The following WDR26 variants were observed in gnomAD, a reference collection of about 807,000 sequenced individuals.
WDR26 encodes WD repeat domain 26.
In WDR26, 5 loss-of-function variants were observed where a neutral mutation model predicts 84.1. The ratio of observed to expected loss-of-function variants is 0.06; its 90% CI spans 0.03 to 0.13. The LOEUF (loss-of-function observed/expected upper bound fraction) is 0.13, where lower values mean the gene tolerates loss of function less well. WDR26 is among the 10% of genes least tolerant of loss of function. The pLI, the probability that WDR26 is intolerant of heterozygous loss-of-function variation, is 1.00. For missense variants in WDR26, 642 were observed against 974.9 expected (o/e 0.66, Z 4.55); for synonymous variants, 415 against 389.6 (o/e 1.07, Z -0.77).
intron 7 of WDR26, among the ~76,000 whole-genome samples, chr1:224,409,925 C>G (rs1226208647): frequency 1.3e-5 from 2 of 151,418 alleles, no homozygotes; most frequent in Non-Finnish European, 2.9e-5. Context: ...TTCTATTTTT[C>G]TCAACACGGG....
chr1:224,418,163 G>C, intron 6 of WDR26, 97 bp downstream of exon 6: 1 of 968,262 alleles, frequency 1.0e-6, no homozygotes, highest in Non-Finnish European at 1.5e-6. Flanking sequence ...AATCAGACAT[G>C]AACTGTTATA....
chr1:224,426,570 T>A (rs1159733462), intron 3 of WDR26, among the ~76,000 whole-genome samples: 2 of 151,522 alleles, frequency 1.3e-5, no homozygotes, highest in African/African-American at 4.9e-5. Flanking sequence ...CTCTGAAAAG[T>A]ACATTACTGT....
chr1:224,398,303 T>C (rs778464201), intron 11 of WDR26, 77 bp from the exon 12 acceptor site: 4 of 1,525,560 alleles, frequency 2.6e-6, no homozygotes, highest in Non-Finnish European at 3.5e-6. Context: ...TAAATATCCC[T>C]TTGCCTGATG....
intron 7 of WDR26, among the ~76,000 whole-genome samples, chr1:224,410,660 TG>T (rs1673710909): frequency 6.6e-6 from 1 of 151,400 alleles, no homozygotes; most frequent in Admixed American, 6.6e-5. Flanking sequence ...AACTTGTGGT[TG>T]GGACAGAATG....
At chr1:224,394,204 G>A (rs1673198122) in intron 12 of WDR26, among the ~76,000 whole-genome samples, 191 bp from the exon 13 acceptor site, 2 of 152,042 alleles carry the variant, frequency 1.3e-5, no homozygotes, top group Non-Finnish European at 2.9e-5. Flanking sequence ...CCTGTTAAAG[G>A]TGATCAGCTC....
In WDR26 at chr1:224,401,702, G is replaced by GAAAAAAGAAAAA. The variant is rs55816628; in HGVS notation, c.1600-645_1600-634dup. Among the ~76,000 whole-genome samples the GAAAAAAGAAAAA allele has an allele frequency of 1.7e-4, 17 of 97,792 alleles. 1 individual carries two copies. Among genetic ancestry groups the GAAAAAAGAAAAA allele is most frequent in the African/African-American group, 4.4e-4 (11 of 24,818 alleles). The allele number at this position is 97,792 out of a possible 152,430, so 64.2% of individuals were successfully genotyped here. ...AAAAAAAAAAAAAGAAAAAAAAAAA[G>GAAAAAAGAAAAA]AAAAAAGAAAAAAAAAGAGAAAAAC... On this transcript the variant is annotated intron_variant, in intron 8 of 13. Coordinates refer to ENST00000414423, the MANE Select transcript of WDR26 (RefSeq NM_001379403.1).
intron 4 of WDR26, among the ~76,000 whole-genome samples, chr1:224,422,880 T>TC (rs1674104757): frequency 6.6e-6 from 1 of 152,178 alleles, no homozygotes; most frequent in African/African-American, 2.4e-5. Context: ...CATGTCAAAG[T>TC]TAAAAGACAA....
chr1:224,405,103 C>G (rs1673516374), intron 7 of WDR26, among the ~76,000 whole-genome samples: 1 of 152,152 alleles, frequency 6.6e-6, no homozygotes, highest in Admixed American at 6.6e-5. Context: ...CTCCCTGCAG[C>G]CCCTGGCAAC....
chr1:224,400,335 T>A (rs1236217710), intron 9 of WDR26, among the ~76,000 whole-genome samples: 1 of 150,802 alleles, frequency 6.6e-6, no homozygotes, highest in Non-Finnish European at 1.5e-5. Flanking sequence ...ATTTAAAAAA[T>A]CTTTTCAATT....
chr1:224,413,157 C>G (rs1040412960), intron 6 of WDR26: 9 of 465,332 alleles, frequency 1.9e-5, no homozygotes, highest in Non-Finnish European at 2.4e-5. Flanking sequence ...CCACTCCACT[C>G]CAGCCTGGGT....
At chr1:224,414,910 C>G (rs910750847) in intron 6 of WDR26, among the ~76,000 whole-genome samples, 1 of 152,164 alleles carries the variant, frequency 6.6e-6, no homozygotes, top group Non-Finnish European at 1.5e-5. Context: ...ACACCTGAAG[C>G]CCCAGCTGCT....
chr1:224,398,188 T>C lies in WDR26; in HGVS notation c.1983A>G (p.Val661=). 1 of 1,613,668 alleles carries C rather than the reference T, an allele frequency of 6.2e-7. No homozygotes were observed. The highest frequency in any genetic ancestry group is 1.7e-5 in the Admixed American group (1 of 59,940). Residue 661 remains valine (V), a synonymous_variant, in exon 12 of 14, where the codon GTA becomes GTG. Coordinates refer to ENST00000414423, the MANE Select transcript of WDR26 (RefSeq NM_001379403.1). ...CTTGTGTAACACCTTGATACTTTCT[T>C]ACTAAAACTCTGTCTTGCAAGTCCC...
intron 8 of WDR26, among the ~76,000 whole-genome samples, chr1:224,403,012 T>A (rs1236536575): frequency 6.6e-6 from 1 of 152,158 alleles, no homozygotes; most frequent in Non-Finnish European, 1.5e-5. Flanking sequence ...TAATTTACTT[T>A]CAAATATTTT....
chr1:224,419,077 A>G (rs1673984479), intron 5 of WDR26, among the ~76,000 whole-genome samples: 1 of 152,226 alleles, frequency 6.6e-6, no homozygotes, highest in Non-Finnish European at 1.5e-5. Flanking sequence ...TCTTTTACAT[A>G]AAAATACAGC....
At chr1:224,401,546 T>C (rs1208327127) in intron 8 of WDR26, among the ~76,000 whole-genome samples, 1 of 151,558 alleles carries the variant, frequency 6.6e-6, no homozygotes, top group Non-Finnish European at 1.5e-5. Flanking sequence ...TGGTGGTGCA[T>C]GCCTATAATC....
At chr1:224,408,254 C>T (rs961085457) in intron 7 of WDR26, among the ~76,000 whole-genome samples, 7 of 152,172 alleles carry the variant, frequency 4.6e-5, no homozygotes, top group Admixed American at 3.9e-4. Context: ...CTAAATAGTT[C>T]TTTACCTCTT....
chr1:224,431,868 CAA>C, intron 1 of WDR26, 87 bp from the exon 2 acceptor site: 1 of 1,095,160 alleles, frequency 9.1e-7, no homozygotes. Flanking sequence ...AAAACAGATG[CAA>C]AGTTTTTAAG....
chr1:224,426,755 A>G (rs960520773), intron 3 of WDR26, among the ~76,000 whole-genome samples: 2 of 152,034 alleles, frequency 1.3e-5, no homozygotes, highest in Non-Finnish European at 2.9e-5. Flanking sequence ...AAAAAATGCA[A>G]CTATGAAATG....
At chr1:224,394,868 T>C (rs1673218029) in intron 12 of WDR26, among the ~76,000 whole-genome samples, 3 of 152,096 alleles carry the variant, frequency 2.0e-5, no homozygotes, top group Non-Finnish European at 4.4e-5. Context: ...AGCTAGTAAA[T>C]GGTAAAGTTG....
Sources: allele counts gnomAD v4.1 joint callset (sites outside exome capture counted in the v4.1 genomes callset), GRCh38; gene constraint gnomAD v4.1.1; transcripts MANE v1.5; gene names NCBI Gene and HGNC (gene_info 2026-07-23, HGNC 2026-07-21).